Variants in CYP4F3 observed in about 807,000 individuals in gnomAD.
The protein encoded by CYP4F3 is cytochrome P450 family 4 subfamily F member 3, also known as cytochrome P450 4F3.
In CYP4F3, 50 loss-of-function variants were observed where a neutral mutation model predicts 54.8. The ratio of observed to expected loss-of-function variants is 0.91; its 90% CI spans 0.73 to 1.16. The LOEUF is 1.16. Ranked by LOEUF, CYP4F3 falls within the 50% of genes most tolerant of loss-of-function variation. The pLI, the probability that CYP4F3 is intolerant of heterozygous loss-of-function variation, is 0.00. For synonymous variants in CYP4F3, 244 were observed against 262.6 expected, an observed-to-expected ratio of 0.93 and a Z score of 0.69; for missense variants, 715 against 676.2, an observed-to-expected ratio of 1.06 and a Z score of -0.64.
chr19:15,650,666 TTCTTTCTTTCTTTCTTTC>T (rs1972773927), intron 7 of CYP4F3, among the ~76,000 whole-genome samples: 2 of 32,470 alleles, frequency 6.2e-5, no homozygotes, highest in African/African-American at 1.4e-4. Flanking sequence ...TTCTTTTTCT[TTCTTTCTTTCTTTCTTTC>T]TTTCTTTCTT....
At chr19:15,641,158 G>T (rs1356179547) in intron 1 of CYP4F3, 2 of 493,112 alleles carry the variant, frequency 4.1e-6, no homozygotes, top group Non-Finnish European at 7.3e-6. Flanking sequence ...GATTCAGGCT[G>T]GGCCTTTCTG....
At chr19:15,653,261 T>G (rs2683043) in intron 9 of CYP4F3, among the ~76,000 whole-genome samples, 10,361 of 152,218 alleles carry the variant, frequency 0.068, 419 homozygotes, top group South Asian at 0.19. Flanking sequence ...AAGAAATATT[T>G]TTTTGAATGT....
Position 15,659,695 on chromosome 19 carries a change from C to T in CYP4F3, c.*310C>T, listed in dbSNP as rs34424184. 407 of 375,084 alleles carry T rather than the reference C, an allele frequency of 1.1e-3. No homozygotes were observed. The highest frequency in any genetic ancestry group is 6.9e-3 in the African/African-American group (328 of 47,842). The allele number at this position is 375,084 out of a possible 1,614,324, so 23.2% of individuals were successfully genotyped here. On this transcript the variant is annotated 3_prime_UTR_variant, in exon 13 of 13. Transcript: ENST00000221307. ...TAAAAAGGAATGAAGCAGTGATCCC[C>T]ACTACACTGTGGATGAACCTTGAAT... is the stretch of plus-strand genomic sequence containing the variant.
Position 15,661,224 on chromosome 19 carries a change from T to TA in CYP4F3, c.*1840dup, listed in dbSNP as rs1973175119. ...TTGCAGTGAGCTGAGGTGGTGCCAC[T>TA]ACGCTCCAGCCTGGGGGAGGGGGAC... On this transcript the variant is annotated 3_prime_UTR_variant, in exon 13 of 13. Transcript: ENST00000221307. 1 of 151,940 alleles carries TA rather than the reference T, an allele frequency of 6.6e-6. No individual in the cohort carries two copies. The allele number at this position is 151,940 out of a possible 1,614,324, so 9.4% of individuals were successfully genotyped here. A position where few individuals can be genotyped will look rare whatever the true frequency, so the allele number is the denominator to read the frequency against.
intron 2 of CYP4F3, among the ~76,000 whole-genome samples, chr19:15,643,482 A>C (rs1447666893): frequency 6.6e-6 from 1 of 152,144 alleles, no homozygotes; most frequent in Non-Finnish European, 1.5e-5. Context: ...AGACAGATAG[A>C]TAGATAGAAG....
chr19:15,645,622 G>A (rs773204851), intron 2 of CYP4F3, 97 bp from the exon 3 acceptor site: 6 of 1,474,236 alleles, frequency 4.1e-6, no homozygotes, highest in Non-Finnish European at 5.5e-6. Flanking sequence ...GATGCTGCTT[G>A]AAATTCTCAG....
chr19:15,652,218 A>G (rs1268869505), intron 7 of CYP4F3, among the ~76,000 whole-genome samples: 1 of 152,188 alleles, frequency 6.6e-6, no homozygotes, highest in Non-Finnish European at 1.5e-5. Flanking sequence ...CTTTGAAGCA[A>G]TACTTAATCT....
intron 7 of CYP4F3, among the ~76,000 whole-genome samples, chr19:15,651,138 T>C (rs1420090004): frequency 1.3e-5 from 2 of 150,736 alleles, no homozygotes; most frequent in African/African-American, 2.4e-5. Context: ...CCTCCCAAAG[T>C]ACTGGGATTA....
chr19:15,657,515 C>T (rs1973058349), intron 9 of CYP4F3, among the ~76,000 whole-genome samples: 1 of 152,184 alleles, frequency 6.6e-6, no homozygotes, highest in African/African-American at 2.4e-5. Context: ...TCTCGAACTC[C>T]TAACCTCAGG....
intron 9 of CYP4F3, among the ~76,000 whole-genome samples, chr19:15,653,611 G>C (rs1432917064): frequency 2.0e-5 from 3 of 152,026 alleles, no homozygotes; most frequent in Non-Finnish European, 4.4e-5. Flanking sequence ...GCAGGACTAG[G>C]GGGGTATAGA....
chr19:15,654,171 G>C (rs191637632), intron 9 of CYP4F3, among the ~76,000 whole-genome samples: 1 of 152,304 alleles, frequency 6.6e-6, no homozygotes, highest in Admixed American at 6.5e-5. Context: ...CAGCACAGCA[G>C]TCCTGGGAAG....
At position 15,650,071 on chromosome 19, in the gene CYP4F3, C is replaced by T; in HGVS notation, c.806C>T (p.Ala269Val). 6.2e-7 allele frequency: 1 copy of T among 1,614,102 alleles called. No individual in the cohort carries two copies. Among genetic ancestry groups the T allele is most frequent in the Non-Finnish European group, 8.5e-7 (1 of 1,179,992 alleles). ...ACRLVHDFTD[A>V]VIQERRRTLP... ...CGCCTGGTGCACGACTTCACAGATG[C>T]CGTCATCCAGGAGCGGCGCCGCACC... Residue 269 changes from alanine to valine, a missense_variant, in exon 7 of 13, where the codon GCC becomes GTC. Coordinates refer to ENST00000221307, the MANE Select transcript of CYP4F3 (RefSeq NM_000896.3).
intron 2 of CYP4F3, chr19:15,644,085 G>A (rs1972555310): frequency 1.3e-6 from 2 of 1,498,730 alleles, no homozygotes; most frequent in African/African-American, 2.8e-5. Context: ...TGGGTGCTAT[G>A]GTGCATTTGA....
chr19:15,653,191 T>C (rs1250961901), intron 9 of CYP4F3, among the ~76,000 whole-genome samples: 1 of 152,170 alleles, frequency 6.6e-6, no homozygotes, highest in Non-Finnish European at 1.5e-5. Flanking sequence ...TGAGGACAGA[T>C]AACGCCACTT....
rs149999539 is a variant in CYP4F3 at position 15,649,534 on chromosome 19, C to G, written c.647+253C>G. On this transcript the variant is annotated intron_variant, in intron 6 of 12. Coordinates refer to ENST00000221307, the MANE Select transcript of CYP4F3 (RefSeq NM_000896.3). Reference sequence around the variant, plus strand: ...AATGTAGCACTAAATGGAGTTAACACTGATGCAAAGAAGCTAGGGTGGAAG... The same window carrying G: ...AATGTAGCACTAAATGGAGTTAACAGTGATGCAAAGAAGCTAGGGTGGAAG... Among the ~76,000 whole-genome samples the G allele has an allele frequency of 2.0e-5, 3 of 152,180 alleles. No individual in the cohort carries two copies. The East Asian group carries it at 5.8e-4, about 29-fold the overall frequency.
chr19:15,656,570 A>T (rs184238119), intron 9 of CYP4F3, among the ~76,000 whole-genome samples: 168 of 150,274 alleles, frequency 1.1e-3, no homozygotes, highest in Middle Eastern at 7.0e-3. Context: ...TCTATCATCT[A>T]TCAATGTATC....
chr19:15,658,410 CAG>C lies in CYP4F3; in HGVS notation c.1249+14_1249+15del. On this transcript the variant is annotated intron_variant, in intron 10 of 12. Coordinates refer to ENST00000221307, the MANE Select transcript of CYP4F3 (RefSeq NM_000896.3). ...GTCATCCCCAAAGGTGCCACAGCCT[CAG>C]GGGGAGGAGCCTCCTGGGTAGGAAG... is the stretch of plus-strand genomic sequence containing the variant. 1 of 1,613,798 alleles carries C rather than the reference CAG, an allele frequency of 6.2e-7. No homozygotes were observed. The highest frequency in any genetic ancestry group is 8.5e-7 in the Non-Finnish European group (1 of 1,179,800).
rs1343091728 is a variant in CYP4F3, at chr19:15,659,333, T to C, written c.1511T>C (p.Leu504Pro). 3 of 1,613,606 alleles carry C rather than the reference T, an allele frequency of 1.9e-6. No homozygotes were observed. Among genetic ancestry groups the C allele is most frequent in the South Asian group, 1.1e-5 (1 of 91,024 alleles). Residue 504 changes from leucine (L) to proline (P), a missense_variant, in exon 13 of 13, where the codon CTG (leucine) becomes CCG (proline). Transcript: ENST00000221307. ...DHTEPRRKPE[L>P]VLRAEGGLWL... Reference sequence around the variant, plus strand: ...ACCGAGCCCCGCAGGAAGCCGGAGCTGGTCCTGCGCGCAGAGGGCGGACTT... The same window carrying C: ...ACCGAGCCCCGCAGGAAGCCGGAGCCGGTCCTGCGCGCAGAGGGCGGACTT...
In CYP4F3 at chr19:15,658,491, G is replaced by T. The variant is rs747877707; in HGVS notation, c.1250G>T (p.Gly417Val). The T allele has an allele frequency of 6.2e-7, 1 of 1,614,174 alleles. No homozygotes were observed. The highest frequency in any genetic ancestry group is 8.5e-7 in the Non-Finnish European group (1 of 1,180,016). ...CTGACTGCCCCCTTCTCTCCCACAGGCATTATCTGCCTCATCAGTGTTTTT... is the reference window on the plus strand; with the variant it reads ...CTGACTGCCCCCTTCTCTCCCACAGTCATTATCTGCCTCATCAGTGTTTTT... ...VLPDGRVIPK[G>V]IICLISVFGT... Residue 417 changes from glycine (G) to valine (V), a missense_variant and splice_region_variant, in exon 11 of 13, where the codon GGC becomes GTC. Physicochemically the swap from Gly to Val is moderately radical, Grantham distance 109 (BLOSUM62 -3). Transcript: ENST00000221307.
Sources: allele counts gnomAD v4.1 joint callset (sites outside exome capture counted in the v4.1 genomes callset), GRCh38; gene constraint gnomAD v4.1.1; transcripts MANE v1.5; gene names NCBI Gene and HGNC (gene_info 2026-07-23, HGNC 2026-07-21).